The following TFDP1 variants were observed in gnomAD, a reference collection of about 807,000 sequenced individuals.
TFDP1 encodes the protein transcription factor Dp-1, also known as DRTF1-polypeptide 1.
In TFDP1, 6 loss-of-function variants were observed where a neutral mutation model predicts 48.0. The ratio of observed to expected loss-of-function variants is 0.13; its 90% CI spans 0.07 to 0.25. The LOEUF is 0.25. Among genes scored for constraint, TFDP1 ranks in the 10% least tolerant of loss-of-function variants. The probability of loss-of-function intolerance (pLI) is 1.00; values close to 1 mark genes in which losing one functional copy is unlikely to be tolerated. For synonymous variants in TFDP1, 201 were observed against 211.6 expected, an observed-to-expected ratio of 0.95 and a Z score of 0.44; for missense variants, 335 against 543.0, an observed-to-expected ratio of 0.62 and a Z score of 3.81.
intron 3 of TFDP1, among the ~76,000 whole-genome samples, chr13:113,615,155 C>CTTA (rs1566657431): frequency 6.6e-6 from 1 of 152,190 alleles, no homozygotes; most frequent in Non-Finnish European, 1.5e-5. Flanking sequence ...GGCAATACAT[C>CTTA]TTACGTGGGC....
intron 3 of TFDP1, among the ~76,000 whole-genome samples, chr13:113,618,589 G>A (rs2048919148): frequency 6.6e-6 from 1 of 152,206 alleles, no homozygotes; most frequent in African/African-American, 2.4e-5. Flanking sequence ...AAGTGGTGGG[G>A]AGCGGCAGCC....
At chr13:113,615,398 C>T (rs747444130) in intron 3 of TFDP1, among the ~76,000 whole-genome samples, 1 of 152,210 alleles carries the variant, frequency 6.6e-6, no homozygotes, top group Non-Finnish European at 1.5e-5. Context: ...GTCCACCCTG[C>T]CCCTGTCTGA....
chr13:113,586,583 G>T (rs1345282822), intron 2 of TFDP1, among the ~76,000 whole-genome samples: 2 of 152,242 alleles, frequency 1.3e-5, no homozygotes, highest in Non-Finnish European at 2.9e-5. Flanking sequence ...AGTGAAAGGT[G>T]CTGTTGATGT....
chr13:113,599,742 T>C (rs2048364787), intron 2 of TFDP1, among the ~76,000 whole-genome samples: 1 of 152,314 alleles, frequency 6.6e-6, no homozygotes, highest in Admixed American at 6.5e-5. Flanking sequence ...GACCTCCCGC[T>C]TCCACATCCA....
chr13:113,612,751 TA>T, intron 3 of TFDP1, among the ~76,000 whole-genome samples: 1 of 152,246 alleles, frequency 6.6e-6, no homozygotes, highest in Non-Finnish European at 1.5e-5. Context: ...CTTGAATCTG[TA>T]ACAAGTTTAA....
chr13:113,616,688 A>G (rs1456171295), intron 3 of TFDP1, among the ~76,000 whole-genome samples: 6 of 152,206 alleles, frequency 3.9e-5, no homozygotes. Context: ...ATGTGTGGTC[A>G]GAAGCTTAGT....
At chr13:113,626,342 A>G (rs903316467) in intron 4 of TFDP1, among the ~76,000 whole-genome samples, 1 of 152,164 alleles carries the variant, frequency 6.6e-6, no homozygotes, top group African/African-American at 2.4e-5. Flanking sequence ...TCTTTATTTT[A>G]TATGCATTCC....
At chr13:113,608,508 A>C (rs1024696822) in intron 2 of TFDP1, among the ~76,000 whole-genome samples, 1 of 152,174 alleles carries the variant, frequency 6.6e-6, no homozygotes, top group African/African-American at 2.4e-5. Flanking sequence ...AGCTCCACGC[A>C]CACGGGGCTG....
chr13:113,604,310 G>A (rs2048512645), intron 2 of TFDP1, among the ~76,000 whole-genome samples: 1 of 152,164 alleles, frequency 6.6e-6, no homozygotes, highest in Admixed American at 6.5e-5. Context: ...GCTGGTAATT[G>A]TGGTCTAGTA....
chr13:113,593,257 C>G (rs1464725343), intron 2 of TFDP1, among the ~76,000 whole-genome samples: 3 of 141,064 alleles, frequency 2.1e-5, no homozygotes, highest in Non-Finnish European at 4.6e-5. Flanking sequence ...CAGCTATACA[C>G]AGGTGTCAGG....
At chr13:113,590,301 C>T (rs151288428) in intron 2 of TFDP1, among the ~76,000 whole-genome samples, 77 of 152,268 alleles carry the variant, frequency 5.1e-4, no homozygotes, top group African/African-American at 1.5e-3. Context: ...GAACTGTGTG[C>T]GTCCCACCAT....
intron 2 of TFDP1, among the ~76,000 whole-genome samples, chr13:113,586,723 G>C (rs2048013861): frequency 6.6e-6 from 1 of 152,194 alleles, no homozygotes; most frequent in South Asian, 2.1e-4. Flanking sequence ...AGTGGTCCCT[G>C]CGAGGCCTTT....
At chr13:113,614,497 T>C (rs1464533169) in intron 3 of TFDP1, among the ~76,000 whole-genome samples, 1 of 152,142 alleles carries the variant, frequency 6.6e-6, no homozygotes, top group Non-Finnish European at 1.5e-5. Flanking sequence ...TCGGTAGCAC[T>C]TTGAGGGCTG....
chr13:113,600,800 C>T (rs765502396), intron 2 of TFDP1, among the ~76,000 whole-genome samples: 1 of 144,604 alleles, frequency 6.9e-6, no homozygotes, highest in Non-Finnish European at 1.5e-5. Context: ...AATCCTTGCA[C>T]GTAGGGCTAC....
At position 113,636,033 on chromosome 13, in the gene TFDP1, C is replaced by T. The variant is rs758785229; in HGVS notation, c.744C>T (p.Ser248=). The T allele has an allele frequency of 7.4e-6, 12 of 1,614,208 alleles. 1 individual carries two copies. In the South Asian group the frequency reaches 1.3e-4, roughly 18 times the overall value. Residue 248 remains serine (S), a synonymous_variant, in exon 9 of 12, where the codon AGC becomes AGT. Transcript: ENST00000375370. ...QRNRHAEQQA[S]RPPPPNSVIH... ...ACCGGCATGCGGAGCAGCAGGCCAGCCGGCCACCGCCACCCAACTCAGTCA... is the reference window on the plus strand; with the variant it reads ...ACCGGCATGCGGAGCAGCAGGCCAGTCGGCCACCGCCACCCAACTCAGTCA...
chr13:113,592,238 C>T (rs1331634257), intron 2 of TFDP1, among the ~76,000 whole-genome samples: 5 of 152,270 alleles, frequency 3.3e-5, no homozygotes, highest in Non-Finnish European at 7.3e-5. Context: ...TCACCACAAC[C>T]TCTGTCTCCC....
chr13:113,594,469 C>T (rs1342063679), intron 2 of TFDP1, among the ~76,000 whole-genome samples: 3 of 150,772 alleles, frequency 2.0e-5, no homozygotes, highest in Admixed American at 6.6e-5. Context: ...GTGTGCTGAT[C>T]CTCAGCCCTG....
At position 113,633,628 on chromosome 13, in the gene TFDP1, G is replaced by A. The variant is rs567507570; in HGVS notation, c.475-262G>A. 2.6e-4 allele frequency among the ~76,000 whole-genome samples: 40 copies of A among 152,294 alleles called. No individual in the cohort carries two copies. The highest frequency in any genetic ancestry group is 3.4e-3 in the Middle Eastern group (1 of 294). On this transcript the variant is annotated intron_variant, in intron 6 of 11. Transcript: ENST00000375370. This position sits in a 1 kb window ranked among gnomAD's most constrained non-coding sequence, Gnocchi z 4.5. ...GTGGGCTGGCTCTGCACGTCTAGCG[G>A]CCCAGAAATGCACAAATGCCCACCT...
chr13:113,618,735 A>G (rs1566660502), intron 3 of TFDP1, among the ~76,000 whole-genome samples: 1 of 152,220 alleles, frequency 6.6e-6, no homozygotes, highest in Non-Finnish European at 1.5e-5. Flanking sequence ...GTTCAGTAAT[A>G]ACAAACAGCA....
Sources: gnomAD v4.1 joint callset for allele counts (sites outside exome capture counted in the v4.1 genomes callset) on GRCh38, gnomAD v4.1.1 for gene constraint, Gnocchi (gnomAD v3.1) non-coding constraint, MANE v1.5 for transcripts, NCBI Gene and HGNC (gene_info 2026-07-23, HGNC 2026-07-21) for gene names.